The following TEX11 variants were observed in gnomAD, a reference collection of about 807,000 sequenced individuals.
The protein encoded by TEX11 is testis-expressed protein 11.
TEX11 carries 7 observed loss-of-function variants against 84.4 expected under a neutral mutation model. The observed-to-expected ratio is 0.08, with a 90% CI of 0.05 to 0.16. The LOEUF (loss-of-function observed/expected upper bound fraction) is 0.16, where lower values mean the gene tolerates loss of function less well. Among genes scored for constraint, TEX11 ranks in the 10% least tolerant of loss-of-function variants. The pLI is 1.00. For synonymous variants in TEX11, 264 were observed against 222.8 expected, an observed-to-expected ratio of 1.18 and a Z score of -1.64; for missense variants, 551 against 660.5, an observed-to-expected ratio of 0.83 and a Z score of 1.82.
intron 17 of TEX11, among the ~76,000 whole-genome samples, chrX:70,634,712 C>G (rs773864565): frequency 1.5e-5 from 1 of 66,099 alleles, no homozygotes; most frequent in African/African-American, 5.3e-5. Context: ...TAGTCATGTG[C>G]AAAAAAAAAA....
chrX:70,784,880 C>T (rs1450845616), intron 9 of TEX11, among the ~76,000 whole-genome samples: 45 of 111,588 alleles, frequency 4.0e-4, no homozygotes, highest in Middle Eastern at 4.6e-3. Context: ...AGAATCAATA[C>T]CGTGAAAATG....
At chrX:70,678,979 C>T in intron 14 of TEX11, 90 bp from the exon 15 acceptor site, 1 of 699,660 alleles carries the variant, frequency 1.4e-6, no homozygotes, top group Non-Finnish European at 2.1e-6. Context: ...CCCACGGTCT[C>T]CCTCTCCCTC....
At chrX:70,882,485 A>T (rs1215129016) in intron 2 of TEX11, among the ~76,000 whole-genome samples, 1 of 110,615 alleles carries the variant, frequency 9.0e-6, no homozygotes, top group African/African-American at 3.3e-5. Flanking sequence ...TATACGTTTT[A>T]AAAAAAACAT....
At chrX:70,731,671 C>T (rs1187502180) in intron 11 of TEX11, among the ~76,000 whole-genome samples, 1 of 110,724 alleles carries the variant, frequency 9.0e-6, no homozygotes, top group Non-Finnish European at 1.9e-5. Context: ...AATAGCTTAC[C>T]AACCAAAAAA....
chrX:70,570,662 C>T (rs2088582344), intron 25 of TEX11, among the ~76,000 whole-genome samples: 1 of 111,516 alleles, frequency 9.0e-6, no homozygotes, highest in African/African-American at 3.3e-5. Flanking sequence ...AGGTTTAGGA[C>T]TATTTAAAAT....
At chrX:70,676,840 T>A (rs751386290) in intron 15 of TEX11, among the ~76,000 whole-genome samples, 37 of 111,909 alleles carry the variant, frequency 3.3e-4, no homozygotes, top group Non-Finnish European at 6.6e-4. Flanking sequence ...CAGTCTTTTC[T>A]TCTACAATGT....
chrX:70,605,077 GAAAC>G (rs1208971367), intron 24 of TEX11, among the ~76,000 whole-genome samples: 2 of 111,726 alleles, frequency 1.8e-5, no homozygotes, highest in Non-Finnish European at 3.8e-5. Flanking sequence ...GATGTGGTAA[GAAAC>G]AAAAGTGGAG....
chrX:70,543,173 C>T (rs2088070327), intron 28 of TEX11, among the ~76,000 whole-genome samples: 1 of 110,502 alleles, frequency 9.0e-6, no homozygotes, highest in African/African-American at 3.3e-5. Context: ...CACAGCGAGA[C>T]TCCGTCTCAA....
chrX:70,752,546 GA>G (rs1366593747), intron 9 of TEX11, among the ~76,000 whole-genome samples: 1 of 87,266 alleles, frequency 1.1e-5, no homozygotes, highest in Non-Finnish European at 2.3e-5. Context: ...AAAAAAAAAA[GA>G]AAAGAAAAAG....
intron 13 of TEX11, among the ~76,000 whole-genome samples, chrX:70,704,288 C>A (rs1385288503): frequency 1.8e-5 from 2 of 110,868 alleles, no homozygotes; most frequent in African/African-American, 6.6e-5. Flanking sequence ...ATAAATTACC[C>A]AGCCTCAAGT....
chrX:70,571,162 G>T (rs2088591777), intron 25 of TEX11, among the ~76,000 whole-genome samples: 1 of 111,051 alleles, frequency 9.0e-6, no homozygotes, highest in Non-Finnish European at 1.9e-5. Flanking sequence ...GTGATTACAG[G>T]CATGTGCCAC....
chrX:70,647,722 T>C (rs2089760312), intron 17 of TEX11, among the ~76,000 whole-genome samples: 1 of 110,749 alleles, frequency 9.0e-6, no homozygotes, highest in African/African-American at 3.3e-5. Flanking sequence ...ATTAGCTTGA[T>C]TTAGCCATTC....
intron 19 of TEX11, among the ~76,000 whole-genome samples, chrX:70,624,407 A>C (rs1004530831): frequency 2.7e-5 from 3 of 111,781 alleles, no homozygotes; most frequent in African/African-American, 9.7e-5. Flanking sequence ...TATTCTTTGA[A>C]GGGATCTGGC....
rs1555991452 is a variant in TEX11, at chrX:70,593,091, A to ACG, written c.2068-1269_2068-1268insCG. 3.7e-3 allele frequency among the ~76,000 whole-genome samples: 382 copies of ACG among 104,277 alleles called. 3 individuals carry two copies. Among genetic ancestry groups the ACG allele is most frequent in the African/African-American group, 0.013 (356 of 26,534 alleles). 90.6% of individuals were successfully genotyped at this position (104,277 alleles called of 115,157 possible). On this transcript the variant is annotated intron_variant, in intron 24 of 29. Coordinates refer to ENST00000374333, the MANE Select transcript of TEX11 (RefSeq NM_031276.3). ...CACACACACACACACACACACACAC[A>ACG]CACACGCACACGCACACACACAGTA...
Position 70,714,209 on chromosome X carries a change from C to T in TEX11, c.1004+8409G>A, listed in dbSNP as rs1266787700. 2.7e-5 allele frequency among the ~76,000 whole-genome samples: 3 copies of T among 110,636 alleles called. No individual in the cohort carries two copies. The East Asian group carries it at 8.5e-4, about 31-fold the overall frequency. On this transcript the variant is annotated intron_variant, in intron 13 of 29. Coordinates refer to ENST00000374333, the MANE Select transcript of TEX11 (RefSeq NM_031276.3). ...CATTTGCTGAGGAGTGCTTTACTTC[C>T]AAGTATGTGGTCAATTTTGGAATAG...
Position 70,629,669 on chromosome X carries a change from A to G in TEX11, c.1550T>C (p.Val517Ala). ...TDEESEDNDLVAERGSPTMLL... is the reference protein window; with the variant it reads ...TDEESEDNDLAAERGSPTMLL... ...CATGGTAGGTGAACCTCTCTCTGCA[A>G]CTAGATCATTATCTTCTGACTCTTC... is the stretch of plus-strand genomic sequence containing the variant. The change falls in exon 18 of 30, where the codon GTT becomes GCT. Residue 517 changes from valine (V) to alanine (A), a missense_variant. Physicochemically the swap from Val to Ala is moderately conservative, Grantham distance 64. Coordinates refer to ENST00000374333, the MANE Select transcript of TEX11 (RefSeq NM_031276.3). 8.3e-7 allele frequency: 1 copy of G among 1,200,480 alleles called. No homozygotes were observed. The highest frequency in any genetic ancestry group is 1.1e-6 in the Non-Finnish European group (1 of 885,751).
chrX:70,574,207 C>T (rs1431343277), intron 25 of TEX11, among the ~76,000 whole-genome samples: 1 of 111,906 alleles, frequency 8.9e-6, no homozygotes, highest in Non-Finnish European at 1.9e-5. Flanking sequence ...TCCAAGGATG[C>T]TCTTAGCAAC....
chrX:70,614,458 T>C (rs2089296065), intron 20 of TEX11, among the ~76,000 whole-genome samples: 1 of 111,484 alleles, frequency 9.0e-6, no homozygotes, highest in African/African-American at 3.3e-5. Flanking sequence ...AAGGACTGTG[T>C]CTCATGGTTT....
In TEX11 at chrX:70,854,535, G is replaced by A. The variant is rs182857573; in HGVS notation, c.325-1207C>T. On this transcript the variant is annotated intron_variant, in intron 5 of 29. Transcript: ENST00000374333. ...GACTTCAGGCCAGGAATTCAAGACC[G>A]GCCTGAGCAACATAACATAGCAAGA... Among the ~76,000 whole-genome samples the A allele has an allele frequency of 6.3e-5, 7 of 110,764 alleles. No homozygotes were observed. In the South Asian group the frequency reaches 1.2e-3, roughly 18 times the overall value.
Sources: gnomAD v4.1 joint callset for allele counts (sites outside exome capture counted in the v4.1 genomes callset) on GRCh38, gnomAD v4.1.1 for gene constraint, MANE v1.5 for transcripts, NCBI Gene and HGNC (gene_info 2026-07-23, HGNC 2026-07-21) for gene names.